The following NMRK1 variants were observed in gnomAD, a reference collection of about 807,000 sequenced individuals.
The protein encoded by NMRK1 is NRK 1.
Under a neutral mutation model 29.9 loss-of-function variants are expected in NMRK1, and 28 were observed. The ratio of observed to expected loss-of-function variants is 0.94; its 90% CI spans 0.69 to 1.28. The LOEUF (loss-of-function observed/expected upper bound fraction) is 1.28, where lower values mean the gene tolerates loss of function less well. Among genes scored for constraint, NMRK1 ranks in the 50% most tolerant of loss-of-function variants. The probability of loss-of-function intolerance (pLI) is 0.00; values close to 1 mark genes in which losing one functional copy is unlikely to be tolerated. For synonymous variants in NMRK1, 58 were observed against 73.0 expected, an observed-to-expected ratio of 0.79 and a Z score of 1.05; for missense variants, 218 against 233.1, an observed-to-expected ratio of 0.94 and a Z score of 0.42.
At chr9:75,074,936 T>C (rs1158878121) in intron 4 of NMRK1, among the ~76,000 whole-genome samples, 6 of 152,224 alleles carry the variant, frequency 3.9e-5, no homozygotes, top group Admixed American at 6.5e-5. Context: ...CATGCTAAGT[T>C]TGGGACACAT....
rs143309463 is a variant in NMRK1, at chr9:75,073,544, G to A, written c.170-3502C>T. On this transcript the variant is annotated intron_variant, in intron 4 of 8. Transcript: ENST00000361092. Reference sequence around the variant, plus strand: ...ACCTAAGGTCAGGAGTTGGAGACCAGCCTGGCCAACATGGCAAAACCCCAA... The same window carrying A: ...ACCTAAGGTCAGGAGTTGGAGACCAACCTGGCCAACATGGCAAAACCCCAA... 2.8e-3 allele frequency among the ~76,000 whole-genome samples: 431 copies of A among 152,136 alleles called. 4 individuals carry two copies. The highest frequency in any genetic ancestry group is 1.0e-2 in the African/African-American group (413 of 41,498).
intron 6 of NMRK1, 77 bp from the exon 7 acceptor site, chr9:75,069,179 T>C (rs1314857880): frequency 9.7e-7 from 1 of 1,027,168 alleles, no homozygotes; most frequent in African/African-American, 1.6e-5. Context: ...GTCAGGATAA[T>C]GGGGAAATCA....
At chr9:75,087,102 T>C (rs922773722) in intron 1 of NMRK1, among the ~76,000 whole-genome samples, 2 of 152,080 alleles carry the variant, frequency 1.3e-5, no homozygotes, top group African/African-American at 4.8e-5. Flanking sequence ...AGATCGGGTT[T>C]CACCAGGTTG....
At chr9:75,079,607 G>T (rs1048409500) in intron 2 of NMRK1, among the ~76,000 whole-genome samples, 6 of 152,172 alleles carry the variant, frequency 3.9e-5, no homozygotes, top group African/African-American at 1.2e-4. Flanking sequence ...GAGATATGGA[G>T]AGGAGAGGGG....
intron 1 of NMRK1, among the ~76,000 whole-genome samples, chr9:75,083,889 A>AT (rs1824466485): frequency 6.6e-6 from 1 of 152,172 alleles, no homozygotes; most frequent in Admixed American, 6.5e-5. Context: ...TATAATCATA[A>AT]TTTTTTTAAC....
At chr9:75,063,085 C>T (rs1313583076) in intron 8 of NMRK1, among the ~76,000 whole-genome samples, 3 of 150,868 alleles carry the variant, frequency 2.0e-5, no homozygotes, top group South Asian at 4.2e-4. Flanking sequence ...CCGAGGCGGG[C>T]GGAGGTCAGG....
Position 75,066,758 on chromosome 9 carries a change from C to T in NMRK1, c.579G>A (p.Lys193=). ...CCACTTTGTTAGCACAATACTTACA[C>T]TTTTGCTTTGCTAGTTCTTGTATTA... ...EDLIQELAKQ[K]CLQVTA Residue 193 remains lysine (K), a splice_region_variant and synonymous_variant, in exon 8 of 9, where the codon AAG becomes AAA. Coordinates refer to ENST00000361092, the MANE Select transcript of NMRK1 (RefSeq NM_017881.3). 1 of 1,563,334 alleles carries T rather than the reference C, an allele frequency of 6.4e-7. No homozygotes were observed. The highest frequency in any genetic ancestry group is 8.8e-7 in the Non-Finnish European group (1 of 1,133,838).
chr9:75,086,967 G>A (rs145571636), intron 1 of NMRK1, among the ~76,000 whole-genome samples: 7,057 of 150,954 alleles, frequency 0.047, 210 homozygotes, highest in Middle Eastern at 0.082. Context: ...GTGCAGTGGC[G>A]CAATCTCGGC....
Position 75,088,009 on chromosome 9 carries a change from T to G in NMRK1, c.-37A>C, listed in dbSNP as rs1465291519. 6.5e-6 allele frequency: 1 copy of G among 152,940 alleles called. No homozygotes were observed. Among genetic ancestry groups the G allele is most frequent in the Non-Finnish European group, 1.5e-5 (1 of 68,726 alleles). 9.5% of individuals were successfully genotyped at this position (152,940 alleles called of 1,614,324 possible). A position where few individuals can be genotyped will look rare whatever the true frequency, so the allele number is the denominator to read the frequency against. ...AGGGGCGAGCAGGTACGCACTCACC[T>G]GGCGCCAGTTCGAGTCCTCCCAAAC... On this transcript the variant is annotated splice_region_variant and 5_prime_UTR_variant, in exon 1 of 9. Coordinates refer to ENST00000361092, the MANE Select transcript of NMRK1 (RefSeq NM_017881.3).
Position 75,061,088 on chromosome 9 carries a change from T to C in NMRK1, c.*460A>G, listed in dbSNP as rs1299869214. The C allele has an allele frequency of 6.5e-6, 1 of 155,032 alleles. No homozygotes were observed. The highest frequency in any genetic ancestry group is 1.4e-5 in the Non-Finnish European group (1 of 70,088). 9.6% of individuals were successfully genotyped at this position (155,032 alleles called of 1,614,324 possible). The stretch of plus-strand genomic sequence containing the variant: ...AATTAAAGACGGAAAAACATCACAG[T>C]GCATAATATATAAGGTCAATGTCTT... On this transcript the variant is annotated 3_prime_UTR_variant, in exon 9 of 9. Coordinates refer to ENST00000361092, the MANE Select transcript of NMRK1 (RefSeq NM_017881.3).
chr9:75,069,445 T>C (rs1412562319), intron 6 of NMRK1: 1 of 475,560 alleles, frequency 2.1e-6, no homozygotes, highest in Non-Finnish European at 3.7e-6. Flanking sequence ...TTTGTAGCTG[T>C]GGCAGAACAG....
rs116423946 is a variant in NMRK1 at position 75,072,515 on chromosome 9, G to A, written c.170-2473C>T. On this transcript the variant is annotated intron_variant, in intron 4 of 8. Coordinates refer to ENST00000361092, the MANE Select transcript of NMRK1 (RefSeq NM_017881.3). ...TCAGATAAACTACAATGATGTTTGG[G>A]ATTTGCTTCAAAACAATATAGGTGA... Among the ~76,000 whole-genome samples, 1,118 of 152,234 alleles carry A rather than the reference G, an allele frequency of 7.3e-3. 16 individuals are homozygous for A. Among genetic ancestry groups the A allele is most frequent in the African/African-American group, 0.026 (1,068 of 41,526 alleles).
chr9:75,080,538 G>T (rs1403157827), intron 2 of NMRK1, among the ~76,000 whole-genome samples: 1 of 152,194 alleles, frequency 6.6e-6, no homozygotes, highest in Non-Finnish European at 1.5e-5. Context: ...TGTAGTCCCA[G>T]CAACTTGGGA....
chr9:75,078,572 G>A (rs574623006), intron 2 of NMRK1: 49 of 1,271,382 alleles, frequency 3.9e-5, no homozygotes, highest in Admixed American at 1.1e-4. Context: ...GTTTTAACCT[G>A]GGGCTCATGT....
intron 2 of NMRK1, chr9:75,078,619 G>T: frequency 8.7e-7 from 1 of 1,150,570 alleles, no homozygotes; most frequent in Non-Finnish European, 1.1e-6. Context: ...GAACTTGAAT[G>T]AGAAAAAAAT....
chr9:75,064,267 A>T (rs1237835356), intron 8 of NMRK1, among the ~76,000 whole-genome samples: 1 of 152,196 alleles, frequency 6.6e-6, no homozygotes, highest in African/African-American at 2.4e-5. Context: ...TTAGTCATAA[A>T]GGAAAGCTGG....
At chr9:75,074,102 G>A (rs1166386101) in intron 4 of NMRK1, among the ~76,000 whole-genome samples, 1 of 151,210 alleles carries the variant, frequency 6.6e-6, no homozygotes, top group Non-Finnish European at 1.5e-5. Context: ...CTGTTGCCCA[G>A]ACTGGAGTGC....
intron 4 of NMRK1, among the ~76,000 whole-genome samples, chr9:75,073,342 G>T (rs1823807069): frequency 6.6e-6 from 1 of 152,130 alleles, no homozygotes; most frequent in Non-Finnish European, 1.5e-5. Context: ...TCAGACTTCT[G>T]GCCTCTTGAA....
At chr9:75,064,120 C>T (rs1266124764) in intron 8 of NMRK1, among the ~76,000 whole-genome samples, 1 of 152,122 alleles carries the variant, frequency 6.6e-6, no homozygotes, top group East Asian at 1.9e-4. Flanking sequence ...AACATGTCAG[C>T]TGTTCTTGGG....
Sources: gnomAD v4.1 joint callset for allele counts (sites outside exome capture counted in the v4.1 genomes callset) on GRCh38, gnomAD v4.1.1 for gene constraint, MANE v1.5 for transcripts, NCBI Gene and HGNC (gene_info 2026-07-23, HGNC 2026-07-21) for gene names.